Variants in LMX1B observed in about 807,000 individuals in gnomAD.
LMX1B encodes LIM homeobox transcription factor 1-beta.
Under a neutral mutation model 51.4 loss-of-function variants are expected in LMX1B, and 12 were observed. The ratio of observed to expected loss-of-function variants is 0.23; its 90% CI spans 0.15 to 0.38. LMX1B has a LOEUF of 0.38. LMX1B is among the 10% of genes least tolerant of loss of function. The probability of loss-of-function intolerance (pLI) is 1.00; values close to 1 mark genes in which losing one functional copy is unlikely to be tolerated. For missense variants in LMX1B, 445 were observed against 571.1 expected (o/e 0.78, Z 2.25); for synonymous variants, 237 against 235.4 (o/e 1.01, Z -0.06).
chr9:126,688,030 T>C (rs2029973892), intron 2 of LMX1B, among the ~76,000 whole-genome samples: 1 of 152,178 alleles, frequency 6.6e-6, no homozygotes, highest in East Asian at 1.9e-4. Flanking sequence ...CGATGTTTTA[T>C]TGGGTGGAGA....
intron 2 of LMX1B, among the ~76,000 whole-genome samples, chr9:126,685,678 C>T (rs956708608): frequency 2.0e-5 from 3 of 152,056 alleles, no homozygotes; most frequent in East Asian, 1.9e-4. Context: ...AGGGCAGTGA[C>T]GGGGTGTGGG....
At chr9:126,629,783 T>C (rs964727718) in intron 2 of LMX1B, among the ~76,000 whole-genome samples, 3 of 151,844 alleles carry the variant, frequency 2.0e-5, no homozygotes, top group African/African-American at 7.3e-5. Flanking sequence ...TGCAGTGATT[T>C]CCCCAAGGTG....
At chr9:126,649,159 C>A (rs142573430) in intron 2 of LMX1B, among the ~76,000 whole-genome samples, 2 of 152,030 alleles carry the variant, frequency 1.3e-5, no homozygotes, top group Non-Finnish European at 2.9e-5. Flanking sequence ...CCCTTCTCTC[C>A]GTCCCCTTCA....
At chr9:126,622,440 G>A (rs900116409) in intron 2 of LMX1B, among the ~76,000 whole-genome samples, 4 of 152,220 alleles carry the variant, frequency 2.6e-5, no homozygotes, top group South Asian at 2.1e-4. Context: ...GGAGGCCACC[G>A]AGCTGCTGGG....
At position 126,625,989 on chromosome 9, in the gene LMX1B, C is replaced by G. The variant is rs1835520659; in HGVS notation, c.326+10420C>G. Among the ~76,000 whole-genome samples, 1 of 152,242 alleles carries G rather than the reference C, an allele frequency of 6.6e-6. No homozygotes were observed. The highest frequency in any genetic ancestry group is 6.5e-5 in the Admixed American group (1 of 15,292). ...CGGCTGAAAAAACCAAAAGCAAAAC[C>G]AACACCCAGAAACGAAGCCTGCGTG... On this transcript the variant is annotated intron_variant, in intron 2 of 7. Transcript: ENST00000373474. The surrounding 1 kb of genome is among the most constrained non-coding windows in gnomAD (Gnocchi z 5.3).
rs1415171474 is a variant in LMX1B, at chr9:126,693,211, G to A, written c.629G>A (p.Gly210Glu). Reference sequence around the variant, plus strand: ...CAGGGCAGTCAGAGCAAGGGCAGCGGGGATGACGGGAAGGACCCGCGGAGG... The same window carrying A: ...CAGGGCAGTCAGAGCAAGGGCAGCGAGGATGACGGGAAGGACCCGCGGAGG... ...KGQGSQSKGSGDDGKDPRRPK... is the reference protein window; with the variant it reads ...KGQGSQSKGSEDDGKDPRRPK... Residue 210 changes from glycine to glutamate, a missense_variant, in exon 4 of 8, where the codon GGG becomes GAG. Physicochemically the swap from Gly to Glu is moderately conservative, Grantham distance 98. This residue lies in a region of LMX1B where 273 missense variants were observed against 343.3 expected (regional missense o/e 0.80). Coordinates refer to ENST00000373474, the MANE Select transcript of LMX1B (RefSeq NM_001174147.2). 6.2e-7 allele frequency: 1 copy of A among 1,609,324 alleles called. No individual in the cohort carries two copies. The highest frequency in any genetic ancestry group is 8.5e-7 in the Non-Finnish European group (1 of 1,178,288).
chr9:126,665,317 G>A (rs374184153), intron 2 of LMX1B, among the ~76,000 whole-genome samples: 84 of 152,364 alleles, frequency 5.5e-4, no homozygotes, highest in Middle Eastern at 3.4e-3. Flanking sequence ...GGGCTGGGGC[G>A]GCGGGGGCGG....
At chr9:126,619,758 AC>A (rs1835373898) in intron 2 of LMX1B, among the ~76,000 whole-genome samples, 1 of 151,874 alleles carries the variant, frequency 6.6e-6, no homozygotes. Context: ...CTCCTGGCTC[AC>A]CCTCGACTCC....
intron 2 of LMX1B, among the ~76,000 whole-genome samples, chr9:126,680,179 G>A (rs1174946602): frequency 6.6e-6 from 1 of 152,248 alleles, no homozygotes. Context: ...CAGAGGCCCA[G>A]CAGCTCCGTG....
At chr9:126,651,463 C>T (rs1010368705) in intron 2 of LMX1B, among the ~76,000 whole-genome samples, 2 of 152,128 alleles carry the variant, frequency 1.3e-5, no homozygotes, top group African/African-American at 4.8e-5. Context: ...CTCAAGGGGA[C>T]AGCGGCCTCC....
At position 126,631,533 on chromosome 9, in the gene LMX1B, A is replaced by G. The variant is rs377512392; in HGVS notation, c.326+15964A>G. ...CGGCCGGCCGGGATGGGGCAGGCCTATCCTGCCCACAGAGAGCTCCCAGGC... is the reference window on the plus strand; with the variant it reads ...CGGCCGGCCGGGATGGGGCAGGCCTGTCCTGCCCACAGAGAGCTCCCAGGC... On this transcript the variant is annotated intron_variant, in intron 2 of 7. Transcript: ENST00000373474. 2.5e-3 allele frequency among the ~76,000 whole-genome samples: 373 copies of G among 151,892 alleles called. 2 individuals carry two copies. The highest frequency in any genetic ancestry group is 8.7e-3 in the African/African-American group (360 of 41,444).
intron 2 of LMX1B, among the ~76,000 whole-genome samples, chr9:126,682,108 T>TTTTTTTTTTTTTG (rs1554727665): frequency 7.2e-6 from 1 of 139,020 alleles, no homozygotes. Context: ...TTTTTTTTTT[T>TTTTTTTTTTTTTG]ATAGAGATGG....
Position 126,677,216 on chromosome 9 carries a change from G to T in LMX1B, c.327-13620G>T, listed in dbSNP as rs1332496827. 6.6e-6 allele frequency among the ~76,000 whole-genome samples: 1 copy of T among 152,158 alleles called. No individual in the cohort carries two copies. Among genetic ancestry groups the T allele is most frequent in the African/African-American group, 2.4e-5 (1 of 41,426 alleles). The stretch of plus-strand genomic sequence containing the variant: ...TTCTCTTCTCCATCCCTGGGAGAGG[G>T]TCCCCATCTCTGGCAGGAAATGAGT... On this transcript the variant is annotated intron_variant, in intron 2 of 7. Coordinates refer to ENST00000373474, the MANE Select transcript of LMX1B (RefSeq NM_001174147.2). This position sits in a 1 kb window ranked among gnomAD's most constrained non-coding sequence, Gnocchi z 5.0.
At chr9:126,655,461 C>A (rs1836098675) in intron 2 of LMX1B, among the ~76,000 whole-genome samples, 1 of 152,146 alleles carries the variant, frequency 6.6e-6, no homozygotes, top group South Asian at 2.1e-4. Flanking sequence ...GTAAGGGGAG[C>A]TTTAAGGTGA....
intron 2 of LMX1B, among the ~76,000 whole-genome samples, chr9:126,672,635 C>T (rs940637409): frequency 2.6e-5 from 4 of 152,116 alleles, no homozygotes; most frequent in African/African-American, 4.8e-5. Context: ...ATTTACAATC[C>T]GTTACTTGAG....
At chr9:126,630,354 G>T (rs1382896820) in intron 2 of LMX1B, among the ~76,000 whole-genome samples, 1 of 151,882 alleles carries the variant, frequency 6.6e-6, no homozygotes, top group Non-Finnish European at 1.5e-5. Context: ...AGGCTTGGGG[G>T]AGCACCTGCA....
At chr9:126,633,375 G>A (rs1315816205) in intron 2 of LMX1B, among the ~76,000 whole-genome samples, 3 of 152,214 alleles carry the variant, frequency 2.0e-5, no homozygotes, top group African/African-American at 7.2e-5. Flanking sequence ...AGGTGCATCC[G>A]TGTGTCATGT....
rs1836578514 is a variant in LMX1B at position 126,677,133 on chromosome 9, C to T, written c.327-13703C>T. Among the ~76,000 whole-genome samples the T allele has an allele frequency of 6.6e-6, 1 of 152,202 alleles. No homozygotes were observed. Among genetic ancestry groups the T allele is most frequent in the South Asian group, 2.1e-4 (1 of 4,832 alleles). On this transcript the variant is annotated intron_variant, in intron 2 of 7. Transcript: ENST00000373474. This position sits in a 1 kb window ranked among gnomAD's most constrained non-coding sequence, Gnocchi z 5.0. ...AAGGCCGAGCCCTGACCTGCCTCGCCTGCCCTTTGCCCGTCCCCAGCCAGA... is the reference window on the plus strand; with the variant it reads ...AAGGCCGAGCCCTGACCTGCCTCGCTTGCCCTTTGCCCGTCCCCAGCCAGA...
intron 2 of LMX1B, among the ~76,000 whole-genome samples, chr9:126,636,580 T>A (rs902426780): frequency 8.3e-5 from 12 of 144,014 alleles, no homozygotes; most frequent in African/African-American, 2.5e-4. Flanking sequence ...CAAGGGGAGG[T>A]GGGGGGCCAG....
Sources: allele counts gnomAD v4.1 joint callset (sites outside exome capture counted in the v4.1 genomes callset), GRCh38; gene constraint gnomAD v4.1.1; regional missense constraint gnomAD v4.1.1; non-coding constraint Gnocchi (gnomAD v3.1); transcripts MANE v1.5; gene names NCBI Gene and HGNC (gene_info 2026-07-23, HGNC 2026-07-21).